The following EXOC1L variants were observed in gnomAD, a reference collection of about 807,000 sequenced individuals.
EXOC1L encodes the protein exocyst complex component 1 like.
A neutral mutation model predicts 4.9 loss-of-function variants in EXOC1L; 10 were observed. That is an observed-to-expected ratio of 2.02 (90% CI 1.25 to 3.43). The LOEUF is 3.43. EXOC1L is among the 30% of genes most tolerant of loss of function. The pLI, the probability that EXOC1L is intolerant of heterozygous loss-of-function variation, is 0.00. For synonymous variants in EXOC1L, 41 were observed against 20.8 expected, an observed-to-expected ratio of 1.97 and a Z score of -2.63; for missense variants, 114 against 59.4, an observed-to-expected ratio of 1.92 and a Z score of -3.02.
intron 1 of EXOC1L, among the ~76,000 whole-genome samples, chr4:55,826,138 G>T (rs1378403097): frequency 6.6e-6 from 1 of 151,104 alleles, no homozygotes; most frequent in East Asian, 1.9e-4. Flanking sequence ...CTCTTTTGAT[G>T]AAAGTAATGG....
chr4:55,829,454 T>C (rs1719968508), intron 1 of EXOC1L, among the ~76,000 whole-genome samples: 1 of 152,208 alleles, frequency 6.6e-6, no homozygotes, highest in South Asian at 2.1e-4. Flanking sequence ...CATTGCATTT[T>C]CCAGGGTCCT....
intron 1 of EXOC1L, 117 bp from the exon 2 acceptor site, chr4:55,831,217 A>T (rs1720021634): frequency 2.1e-6 from 1 of 485,658 alleles, no homozygotes; most frequent in African/African-American, 2.0e-5. Flanking sequence ...GCGCAGCTAT[A>T]ATGTGGGTTC....
At chr4:55,833,318 A>C (rs1720080881) in intron 2 of EXOC1L, among the ~76,000 whole-genome samples, 1 of 151,886 alleles carries the variant, frequency 6.6e-6, no homozygotes, top group African/African-American at 2.4e-5. Flanking sequence ...TCAATTTTGC[A>C]TATTTAGTTT....
intron 2 of EXOC1L, among the ~76,000 whole-genome samples, chr4:55,832,884 T>G (rs980159255): frequency 6.6e-6 from 1 of 152,044 alleles, no homozygotes; most frequent in African/African-American, 2.4e-5. Context: ...CACTAGGCTC[T>G]GAGGATACAG....
chr4:55,835,499 C>T (rs1057332504), intron 2 of EXOC1L, among the ~76,000 whole-genome samples: 2 of 151,824 alleles, frequency 1.3e-5, no homozygotes, highest in African/African-American at 2.4e-5. Flanking sequence ...CCCTTTTCAC[C>T]ACATCCATGC....
intron 1 of EXOC1L, among the ~76,000 whole-genome samples, chr4:55,830,667 C>T (rs1720006806): frequency 6.6e-6 from 1 of 150,504 alleles, no homozygotes; most frequent in Non-Finnish European, 1.5e-5. Flanking sequence ...CAAAAATTTT[C>T]CCATATCTTT....
chr4:55,824,955 T>G (rs1275144323), intron 1 of EXOC1L, among the ~76,000 whole-genome samples: 3 of 152,226 alleles, frequency 2.0e-5, no homozygotes, highest in African/African-American at 4.8e-5. Context: ...ATCAAGATGA[T>G]CTGCCAATTC....
At chr4:55,827,016 C>T (rs1340130511) in intron 1 of EXOC1L, among the ~76,000 whole-genome samples, 2 of 152,166 alleles carry the variant, frequency 1.3e-5, no homozygotes, top group Admixed American at 1.3e-4. Flanking sequence ...TATGGAAGAT[C>T]ACAAAATAAG....
intron 1 of EXOC1L, among the ~76,000 whole-genome samples, chr4:55,822,302 T>G (rs1216420186): frequency 6.6e-6 from 1 of 152,206 alleles, no homozygotes; most frequent in African/African-American, 2.4e-5. Flanking sequence ...ATGTCAAAAT[T>G]AAATGTCAAA....
intron 1 of EXOC1L, among the ~76,000 whole-genome samples, chr4:55,822,566 G>A (rs1329713558): frequency 1.3e-5 from 2 of 152,112 alleles, no homozygotes; most frequent in Non-Finnish European, 2.9e-5. Context: ...AATGCTGAAG[G>A]ACTTGACATA....
In EXOC1L at chr4:55,837,071, T is replaced by C; in HGVS notation, c.253-14T>C. 1.5e-6 allele frequency: 1 copy of C among 678,324 alleles called. No homozygotes were observed. Among genetic ancestry groups the C allele is most frequent in the South Asian group, 1.6e-5 (1 of 63,932 alleles). 42.0% of individuals were successfully genotyped at this position (678,324 alleles called of 1,614,324 possible). On this transcript the variant is annotated splice_polypyrimidine_tract_variant and intron_variant, in intron 2 of 2. Transcript: ENST00000636125. The stretch of plus-strand genomic sequence containing the variant: ...TTGGCTACCAACTAAATCATGTCTC[T>C]CATTCTCTTCCAGGACAATCCATTT...
At chr4:55,822,051 C>A (rs1208370327) in intron 1 of EXOC1L, among the ~76,000 whole-genome samples, 1 of 152,178 alleles carries the variant, frequency 6.6e-6, no homozygotes, top group African/African-American at 2.4e-5. Context: ...GAACGATGGC[C>A]ACCTTCAGGG....
chr4:55,823,150 A>C (rs965811309), intron 1 of EXOC1L, among the ~76,000 whole-genome samples: 1 of 152,074 alleles, frequency 6.6e-6, no homozygotes, highest in Admixed American at 6.6e-5. Context: ...TGCTAGAATT[A>C]TAAAAATAAT....
At chr4:55,822,478 G>A (rs780050919) in intron 1 of EXOC1L, among the ~76,000 whole-genome samples, 2 of 152,160 alleles carry the variant, frequency 1.3e-5, no homozygotes, top group Non-Finnish European at 1.5e-5. Context: ...TATGAAGCAG[G>A]GAGGAGCTCT....
chr4:55,819,806 C>T lies in EXOC1L; in HGVS notation c.-221C>T. On this transcript the variant is annotated 5_prime_UTR_variant, in exon 1 of 3. Transcript: ENST00000636125. ...GCTGCTGTATTTTGGCTGCCGCCGC[C>T]GCTGCTGCCACTGGGCAGATACCGC... 3.0e-6 allele frequency: 1 copy of T among 328,806 alleles called. No homozygotes were observed. The highest frequency in any genetic ancestry group is 5.5e-6 in the Non-Finnish European group (1 of 182,764). The allele number at this position is 328,806 out of a possible 1,614,324, so 20.4% of individuals were successfully genotyped here. A position where few individuals can be genotyped will look rare whatever the true frequency, so the allele number is the denominator to read the frequency against.
intron 1 of EXOC1L, among the ~76,000 whole-genome samples, chr4:55,830,552 T>G (rs1376567849): frequency 6.6e-6 from 1 of 152,176 alleles, no homozygotes; most frequent in Non-Finnish European, 1.5e-5. Context: ...ATTTTCAACT[T>G]AAGAGCTCTA....
chr4:55,833,593 T>C (rs1720088092), intron 2 of EXOC1L, among the ~76,000 whole-genome samples: 1 of 151,918 alleles, frequency 6.6e-6, no homozygotes, highest in Admixed American at 6.6e-5. Flanking sequence ...AAATTAACTA[T>C]TCCCACCAAT....
chr4:55,827,698 C>T (rs1427092725), intron 1 of EXOC1L, among the ~76,000 whole-genome samples: 3 of 152,192 alleles, frequency 2.0e-5, no homozygotes, highest in African/African-American at 4.8e-5. Context: ...ACCCCATTCT[C>T]TCCCACCCCC....
intron 2 of EXOC1L, among the ~76,000 whole-genome samples, chr4:55,832,876 C>T (rs1362198702): frequency 6.6e-6 from 1 of 152,022 alleles, no homozygotes; most frequent in South Asian, 2.1e-4. Flanking sequence ...CCAGGCCCCA[C>T]TAGGCTCTGA....
Sources: gnomAD v4.1 joint callset for allele counts (sites outside exome capture counted in the v4.1 genomes callset) on GRCh38, gnomAD v4.1.1 for gene constraint, MANE v1.5 for transcripts, NCBI Gene and HGNC (gene_info 2026-07-23, HGNC 2026-07-21) for gene names.